Variants in CIDEC observed in about 807,000 individuals in gnomAD.
The protein encoded by CIDEC is lipid transferase CIDEC.
A neutral mutation model predicts 21.9 loss-of-function variants in CIDEC; 11 were observed. The observed-to-expected ratio is 0.50, with a 90% CI of 0.32 to 0.83. CIDEC has a LOEUF of 0.83. CIDEC is among the 40% of genes least tolerant of loss of function. The pLI, the probability that CIDEC is intolerant of heterozygous loss-of-function variation, is 0.04. For synonymous variants in CIDEC, 127 were observed against 124.9 expected, an observed-to-expected ratio of 1.02 and a Z score of -0.11; for missense variants, 302 against 302.3, an observed-to-expected ratio of 1.00 and a Z score of 0.01.
intron 4 of CIDEC, among the ~76,000 whole-genome samples, chr3:9,874,497 T>C (rs1252038858): frequency 6.7e-6 from 1 of 149,218 alleles, no homozygotes; most frequent in Non-Finnish European, 1.5e-5. Flanking sequence ...GCCGGGGCAA[T>C]GGAGCGAGAC....
At position 9,866,739 on chromosome 3, in the gene CIDEC, T is replaced by A; in HGVS notation, c.*395A>T. On this transcript the variant is annotated 3_prime_UTR_variant, in exon 7 of 7. Coordinates refer to ENST00000336832, the MANE Select transcript of CIDEC (RefSeq NM_001321142.2). Reference sequence around the variant, plus strand: ...TCAGCCTCAATAATTTATTGCAAACTCCCTAATATCACATGCTAGTGCGCT... The same window carrying A: ...TCAGCCTCAATAATTTATTGCAAACACCCTAATATCACATGCTAGTGCGCT... 1 of 433,872 alleles carries A rather than the reference T, an allele frequency of 2.3e-6. No individual in the cohort carries two copies. 26.9% of individuals were successfully genotyped at this position (433,872 alleles called of 1,614,324 possible).
At chr3:9,873,541 G>A (rs2082379011) in intron 4 of CIDEC, among the ~76,000 whole-genome samples, 2 of 152,168 alleles carry the variant, frequency 1.3e-5, no homozygotes, top group African/African-American at 4.8e-5. Flanking sequence ...GCGTGAACCT[G>A]GGAGGTGGAG....
intron 4 of CIDEC, among the ~76,000 whole-genome samples, chr3:9,872,435 G>A (rs374728657): frequency 4.1e-4 from 63 of 152,160 alleles, no homozygotes; most frequent in African/African-American, 9.4e-4. Flanking sequence ...TCCACCTCCC[G>A]AAGTGCTAAA....
chr3:9,877,230 T>A lies in CIDEC; in HGVS notation c.54-11A>T, dbSNP rs1446699012. The A allele has an allele frequency of 2.6e-6, 4 of 1,549,796 alleles. No individual in the cohort carries two copies. Among genetic ancestry groups the A allele is most frequent in the Non-Finnish European group, 3.5e-6 (4 of 1,146,940 alleles). On this transcript the variant is annotated splice_polypyrimidine_tract_variant and intron_variant, in intron 3 of 6. Transcript: ENST00000336832. ...CGCACTGACACATGCCTGGGGCAGT[T>A]GAAGCATCAGGGTGAGCCACCCACT...
At chr3:9,875,795 A>G (rs960468020) in intron 4 of CIDEC, among the ~76,000 whole-genome samples, 2 of 152,328 alleles carry the variant, frequency 1.3e-5, no homozygotes, top group East Asian at 3.9e-4. Context: ...TTTGTATTGT[A>G]TTTGTACTGT....
chr3:9,866,802 G>A lies in CIDEC; in HGVS notation c.*332C>T. Reference sequence around the variant, plus strand: ...CAGGAATGTTCCGGGATGGGGGCCAGAAGGTAGAGAGCACCATGAAAGTAC... The same window carrying A: ...CAGGAATGTTCCGGGATGGGGGCCAAAAGGTAGAGAGCACCATGAAAGTAC... On this transcript the variant is annotated 3_prime_UTR_variant, in exon 7 of 7. Coordinates refer to ENST00000336832, the MANE Select transcript of CIDEC (RefSeq NM_001321142.2). 1.7e-6 allele frequency: 1 copy of A among 573,970 alleles called. No individual in the cohort carries two copies. The highest frequency in any genetic ancestry group is 3.1e-6 in the Non-Finnish European group (1 of 320,636). The allele number at this position is 573,970 out of a possible 1,614,324, so 35.6% of individuals were successfully genotyped here. A position where few individuals can be genotyped will look rare whatever the true frequency, so the allele number is the denominator to read the frequency against.
At chr3:9,871,345 A>ATTT (rs58903003) in intron 4 of CIDEC, among the ~76,000 whole-genome samples, 5 of 120,690 alleles carry the variant, frequency 4.1e-5, no homozygotes, top group Non-Finnish European at 5.1e-5. Context: ...TGCCCAGCTA[A>ATTT]TTTTTTTTTT....
chr3:9,871,744 C>T (rs2125045121), intron 4 of CIDEC, among the ~76,000 whole-genome samples: 1 of 152,190 alleles, frequency 6.6e-6, no homozygotes, highest in South Asian at 2.1e-4. Context: ...ATTCTCCTGC[C>T]TCAGCCTTCC....
chr3:9,877,652 C>T (rs1170606844), intron 3 of CIDEC, among the ~76,000 whole-genome samples: 7 of 151,846 alleles, frequency 4.6e-5, no homozygotes, highest in African/African-American at 1.5e-4. Context: ...AGAGGGAGAC[C>T]TCGACTTAAA....
chr3:9,877,265 C>G (rs774284391), intron 3 of CIDEC, 46 bp from the exon 4 acceptor site: 98 of 1,546,314 alleles, frequency 6.3e-5, no homozygotes, highest in Non-Finnish European at 6.7e-5. Flanking sequence ...TTTGCCCAAC[C>G]CTTGCCCACC....
intron 4 of CIDEC, among the ~76,000 whole-genome samples, chr3:9,871,959 GTTTTTGGTTTTGT>G (rs1249191897): frequency 2.0e-5 from 3 of 151,560 alleles, no homozygotes; most frequent in Non-Finnish European, 4.4e-5. Flanking sequence ...TGTTTGTTTT[GTTTTTGGTTTTGT>G]TTTGTTTTTT....
Position 9,869,052 on chromosome 3 carries a change from C to T in CIDEC, c.554+830G>A, listed in dbSNP as rs557794976. ...CTGTGTTGCCGAGGCTGGTCTCAAA[C>T]TCATGGGCTCAACAGATCCTCCTGC... On this transcript the variant is annotated intron_variant, in intron 6 of 6. Coordinates refer to ENST00000336832, the MANE Select transcript of CIDEC (RefSeq NM_001321142.2). Among the ~76,000 whole-genome samples, 4 of 152,256 alleles carry T rather than the reference C, an allele frequency of 2.6e-5. 1 individual carries two copies. Among genetic ancestry groups the T allele is most frequent in the African/African-American group, 7.2e-5 (3 of 41,538 alleles).
At chr3:9,878,676 G>A in intron 2 of CIDEC, 165 bp from the exon 3 acceptor site, 2 of 1,394,676 alleles carry the variant, frequency 1.4e-6, no homozygotes, top group Non-Finnish European at 2.0e-6. Flanking sequence ...CCGGCCCCAT[G>A]CATGCCAACC....
intron 3 of CIDEC, chr3:9,877,850 T>C (rs2082448785): frequency 6.1e-6 from 1 of 164,884 alleles, no homozygotes; most frequent in Non-Finnish European, 1.3e-5. Flanking sequence ...TCTCAGACCA[T>C]GAGGAGTAAG....
intron 4 of CIDEC, among the ~76,000 whole-genome samples, chr3:9,872,244 A>G (rs1435632573): frequency 3.3e-5 from 5 of 150,532 alleles, no homozygotes; most frequent in African/African-American, 1.2e-4. Flanking sequence ...TGCCATCATG[A>G]CTCACTGCAG....
Position 9,874,518 on chromosome 3 carries a change from A to AAATAATAAT in CIDEC, c.207+2539_207+2547dup, listed in dbSNP as rs56760493. On this transcript the variant is annotated intron_variant, in intron 4 of 6. Transcript: ENST00000336832. The stretch of plus-strand genomic sequence containing the variant: ...GCAATGGAGCGAGACCCTTTCTCTA[A>AAATAATAAT]AATAATAATAATAATAATAATAATA... 9.0e-3 allele frequency among the ~76,000 whole-genome samples: 1,294 copies of AAATAATAAT among 144,100 alleles called. 9 individuals carry two copies. The highest frequency in any genetic ancestry group is 0.025 in the African/African-American group (975 of 39,112). 94.5% of individuals were successfully genotyped at this position (144,100 alleles called of 152,430 possible). A position where few individuals can be genotyped will look rare whatever the true frequency, so the allele number is the denominator to read the frequency against.
At chr3:9,870,565 A>G in intron 4 of CIDEC, 1 of 1,201,286 alleles carries the variant, frequency 8.3e-7, no homozygotes, top group Non-Finnish European at 1.2e-6. Context: ...TTACCCTCTA[A>G]AAGTGTACAA....
At chr3:9,871,629 A>AT (rs368525805) in intron 4 of CIDEC, among the ~76,000 whole-genome samples, 4,495 of 148,140 alleles carry the variant, frequency 0.03, 210 homozygotes, top group African/African-American at 0.11. Context: ...AAAAATCCTT[A>AT]TTTTTTTTTC....
At chr3:9,871,345 ATTTTTT>A (rs58903003) in intron 4 of CIDEC, among the ~76,000 whole-genome samples, 2,502 of 120,668 alleles carry the variant, frequency 0.021, 36 homozygotes, top group South Asian at 0.043. Context: ...TGCCCAGCTA[ATTTTTT>A]TTTTTTTTTT....
Sources: gnomAD v4.1 joint callset for allele counts (sites outside exome capture counted in the v4.1 genomes callset) on GRCh38, gnomAD v4.1.1 for gene constraint, MANE v1.5 for transcripts, NCBI Gene and HGNC (gene_info 2026-07-23, HGNC 2026-07-21) for gene names.